TMEM33: variants seen among roughly 807,000 people sequenced by gnomAD.
The protein encoded by TMEM33 is transmembrane protein 33.
TMEM33 carries 16 observed loss-of-function variants against 29.7 expected under a neutral mutation model. The ratio of observed to expected loss-of-function variants is 0.54; its 90% CI spans 0.36 to 0.82. TMEM33 has a LOEUF of 0.82. Among genes scored for constraint, TMEM33 ranks in the 40% least tolerant of loss-of-function variants. The pLI, the probability that TMEM33 is intolerant of heterozygous loss-of-function variation, is 0.00. For missense variants in TMEM33, 252 were observed against 295.3 expected (o/e 0.85, Z 1.08); for synonymous variants, 112 against 109.4 (o/e 1.02, Z -0.15).
At chr4:41,940,807 C>CAAAAAA (rs11390153) in intron 3 of TMEM33, among the ~76,000 whole-genome samples, 6 of 53,250 alleles carry the variant, frequency 1.1e-4, no homozygotes, top group Admixed American at 2.0e-4. Context: ...GACTCCTTCT[C>CAAAAAA]AAAAAAAAAA....
Position 41,954,178 on chromosome 4 carries a change from AT to A in TMEM33, c.725del (p.Leu242TrpfsTer12). 1.2e-6 allele frequency: 2 copies of A among 1,613,926 alleles called. No individual in the cohort carries two copies. The highest frequency in any genetic ancestry group is 1.7e-6 in the Non-Finnish European group (2 of 1,179,808). On this transcript the variant is annotated frameshift_variant, in exon 7 of 7. Coordinates refer to ENST00000504986, the MANE Select transcript of TMEM33 (RefSeq NM_018126.3). LOFTEE classifies it high-confidence loss of function. ...TCCAGAGCATTGCCTTTATAAGCAG[AT>A]TGGCACCAACAGTTCCATAGTTTAA... ...CLQSIAFISRLAPTVP is the reference protein window; with the variant it reads ...CLQSIAFISRXAPTVP
At chr4:41,947,251 A>G (rs1322827010) in intron 5 of TMEM33, among the ~76,000 whole-genome samples, 2 of 151,482 alleles carry the variant, frequency 1.3e-5, no homozygotes, top group Non-Finnish European at 2.9e-5. Context: ...AAAAAAAAAG[A>G]TAGATACCGA....
In TMEM33 at chr4:41,944,883, A is replaced by G; in HGVS notation, c.487A>G (p.Asn163Asp). The G allele has an allele frequency of 6.2e-7, 1 of 1,613,482 alleles. No homozygotes were observed. The highest frequency in any genetic ancestry group is 1.3e-5 in the African/African-American group (1 of 75,052). ...AAATATTCTGAAATTCATTGCTTGC[A>G]ATGAAATATTCCTGATGCCTGCGAC... ...QQNILKFIACNEIFLMPATVF... is the reference protein window; with the variant it reads ...QQNILKFIACDEIFLMPATVF... The change falls in exon 5 of 7, where the codon AAT (asparagine) becomes GAT (aspartate). Residue 163 changes from asparagine to aspartate, a missense_variant. Asn to Asp is a conservative substitution (Grantham distance 23, BLOSUM62 1). Coordinates refer to ENST00000504986, the MANE Select transcript of TMEM33 (RefSeq NM_018126.3).
rs906792997 is a variant in TMEM33, at chr4:41,954,503, TA to T, written c.*312del. On this transcript the variant is annotated 3_prime_UTR_variant, in exon 7 of 7. Coordinates refer to ENST00000504986, the MANE Select transcript of TMEM33 (RefSeq NM_018126.3). ...TCATGAAGTACATTAATTTCTCATG[TA>T]AAAAAAATAGCTCTAAAATTTGTTT... 214 of 178,330 alleles carry T rather than the reference TA, an allele frequency of 1.2e-3. 2 individuals carry two copies. Among genetic ancestry groups the T allele is most frequent in the African/African-American group, 4.1e-3 (175 of 42,384 alleles). 11.0% of individuals were successfully genotyped at this position (178,330 alleles called of 1,614,324 possible).
intron 4 of TMEM33, chr4:41,944,031 C>T (rs1053463120): frequency 2.4e-5 from 12 of 492,824 alleles, no homozygotes; most frequent in Non-Finnish European, 3.9e-5. Flanking sequence ...CACTTAAAAT[C>T]ACCCCCCAGT....
At chr4:41,939,053 T>TA (rs1712388298) in intron 2 of TMEM33, 143 bp from the exon 3 acceptor site, 1 of 727,498 alleles carries the variant, frequency 1.4e-6, no homozygotes. Context: ...GTGAAGCTAT[T>TA]AAAACGGTAG....
intron 5 of TMEM33, among the ~76,000 whole-genome samples, chr4:41,947,298 ATC>A (rs1200828404): frequency 1.3e-5 from 2 of 151,938 alleles, no homozygotes; most frequent in East Asian, 3.9e-4. Context: ...TGATGTCTAT[ATC>A]CTGAAACCTC....
chr4:41,949,438 A>C (rs1321104975), intron 6 of TMEM33, 53 bp downstream of exon 6: 12 of 1,396,724 alleles, frequency 8.6e-6, no homozygotes, highest in Non-Finnish European at 1.1e-5. Context: ...TATTGTGAAT[A>C]TATAGTATTC....
chr4:41,939,465 C>T, intron 3 of TMEM33, 82 bp downstream of exon 3: 5 of 1,452,206 alleles, frequency 3.4e-6, no homozygotes, highest in South Asian at 1.2e-5. Context: ...GCAATGAAGG[C>T]ATTCCATGAA....
chr4:41,951,835 A>G (rs542786371), intron 6 of TMEM33, among the ~76,000 whole-genome samples: 3 of 152,306 alleles, frequency 2.0e-5, no homozygotes, highest in South Asian at 4.1e-4. Context: ...GAGCTCAGGA[A>G]GTATATAGAG....
intron 3 of TMEM33, among the ~76,000 whole-genome samples, chr4:41,940,552 C>T (rs909271088): frequency 9.2e-5 from 14 of 151,992 alleles, no homozygotes; most frequent in African/African-American, 2.7e-4. Context: ...CGGTGGCTCA[C>T]GTGCGGTGGC....
In TMEM33 at chr4:41,959,143, T is replaced by C. The variant is rs944073399; in HGVS notation, c.*4944T>C. 27 of 152,192 alleles carry C rather than the reference T, an allele frequency of 1.8e-4. No individual in the cohort carries two copies. Among genetic ancestry groups the C allele is most frequent in the African/African-American group, 6.5e-4 (27 of 41,448 alleles). The allele number at this position is 152,192 out of a possible 1,614,324, so 9.4% of individuals were successfully genotyped here. A position where few individuals can be genotyped will look rare whatever the true frequency, so the allele number is the denominator to read the frequency against. On this transcript the variant is annotated 3_prime_UTR_variant, in exon 7 of 7. Transcript: ENST00000504986. ...CATACCCGTGTAAATCTAGGAGTTA[T>C]TTCCAGAGATTGTTTTAAGGAGCAG...
chr4:41,960,695 AAAT>A lies in TMEM33; in HGVS notation c.*6501_*6503del, dbSNP rs1339387778. On this transcript the variant is annotated 3_prime_UTR_variant, in exon 7 of 7. Coordinates refer to ENST00000504986, the MANE Select transcript of TMEM33 (RefSeq NM_018126.3). ...ACTCCTCTTATCCTCAGCCCATCAC[AAAT>A]AATAGAGATGCCATGATTTTGAGGT... The A allele has an allele frequency of 6.6e-6, 1 of 152,142 alleles. No individual in the cohort carries two copies. Among genetic ancestry groups the A allele is most frequent in the Non-Finnish European group, 1.5e-5 (1 of 67,990 alleles). 9.4% of individuals were successfully genotyped at this position (152,142 alleles called of 1,614,324 possible).
intron 3 of TMEM33, 76 bp from the exon 4 acceptor site, chr4:41,943,671 A>G (rs2153126988): frequency 1.5e-6 from 2 of 1,311,332 alleles, no homozygotes; most frequent in East Asian, 2.3e-5. Context: ...ACATCTGTAT[A>G]TTTGGACATA....
intron 6 of TMEM33, 124 bp from the exon 7 acceptor site, chr4:41,953,946 T>C: frequency 1.7e-6 from 2 of 1,158,724 alleles, no homozygotes; most frequent in Non-Finnish European, 2.5e-6. Context: ...TCTTGCTGTA[T>C]GCGGTGTTGC....
At chr4:41,947,647 C>T (rs958542186) in intron 5 of TMEM33, among the ~76,000 whole-genome samples, 2 of 152,082 alleles carry the variant, frequency 1.3e-5, no homozygotes, top group Non-Finnish European at 2.9e-5. Context: ...TACTTAATTC[C>T]TATTAGGAAA....
At chr4:41,938,573 G>A (rs371781069) in intron 1 of TMEM33, 29 bp from the exon 2 acceptor site, 7 of 1,594,878 alleles carry the variant, frequency 4.4e-6, no homozygotes, top group Non-Finnish European at 6.0e-6. Flanking sequence ...TGCAGGCATA[G>A]CTTACAGTAT....
intron 3 of TMEM33, among the ~76,000 whole-genome samples, chr4:41,940,046 C>CCTTTTTTTTTTTTTTTTTTTTTTT (rs1553910603): frequency 7.4e-5 from 6 of 81,364 alleles, no homozygotes; most frequent in African/African-American, 2.2e-4. Context: ...GTTAAACTTT[C>CCTTTTTTTTTTTTTTTTTTTTTTT]TTTTTTTTTT....
Position 41,944,649 on chromosome 4 carries a change from A to G in TMEM33, c.397-144A>G, listed in dbSNP as rs1030282505. 4.2e-6 allele frequency: 4 copies of G among 944,864 alleles called. No individual in the cohort carries two copies. In the African/African-American group the frequency reaches 6.8e-5, roughly 16 times the overall value. The allele number at this position is 944,864 out of a possible 1,614,324, so 58.5% of individuals were successfully genotyped here. ...GAAAATATACTATATTTGTCCTTAA[A>G]TAGTTTGTGAACTTCGTACCATCAT... On this transcript the variant is annotated intron_variant, in intron 4 of 6. Coordinates refer to ENST00000504986, the MANE Select transcript of TMEM33 (RefSeq NM_018126.3).
Sources: allele counts gnomAD v4.1 joint callset (sites outside exome capture counted in the v4.1 genomes callset), GRCh38; gene constraint gnomAD v4.1.1; transcripts MANE v1.5; gene names NCBI Gene and HGNC (gene_info 2026-07-23, HGNC 2026-07-21).